Variants in TMEM41B observed in about 807,000 individuals in gnomAD.
TMEM41B encodes the protein transmembrane protein 41B, also known as protein stasimon.
Under a neutral mutation model 31.9 loss-of-function variants are expected in TMEM41B, and 18 were observed. The observed-to-expected ratio is 0.56, with a 90% confidence interval of 0.39 to 0.84. The LOEUF (loss-of-function observed/expected upper bound fraction) is 0.84, where lower values mean the gene tolerates loss of function less well. TMEM41B is among the 40% of genes least tolerant of loss of function. The pLI is 0.00. For synonymous variants in TMEM41B, 144 were observed against 124.3 expected (o/e 1.16, Z -1.05); for missense variants, 322 against 348.0 (o/e 0.93, Z 0.59).
chr11:9,308,296 T>A (rs1853450807), intron 1 of TMEM41B, among the ~76,000 whole-genome samples: 1 of 152,140 alleles, frequency 6.6e-6, no homozygotes, highest in African/African-American at 2.4e-5. Flanking sequence ...TGAGCTGAGA[T>A]CACGCCACTG....
chr11:9,291,055 G>T (rs1301574891), intron 3 of TMEM41B, among the ~76,000 whole-genome samples: 2 of 152,150 alleles, frequency 1.3e-5, no homozygotes, highest in African/African-American at 4.8e-5. Context: ...GGCAGACGTT[G>T]TAGTGAGCCG....
chr11:9,293,341 A>G (rs1160268943), intron 3 of TMEM41B, among the ~76,000 whole-genome samples: 1 of 151,872 alleles, frequency 6.6e-6, no homozygotes, highest in Non-Finnish European at 1.5e-5. Context: ...GGCCTCACGC[A>G]ATCCTCCTGC....
intron 1 of TMEM41B, chr11:9,311,546 C>A: frequency 8.2e-7 from 1 of 1,222,976 alleles, no homozygotes; most frequent in Non-Finnish European, 1.2e-6. Context: ...AATTGCCTTG[C>A]GGAGCTCCTG....
chr11:9,297,837 T>G (rs967396313), intron 2 of TMEM41B, among the ~76,000 whole-genome samples: 14 of 151,960 alleles, frequency 9.2e-5, no homozygotes, highest in African/African-American at 3.4e-4. Context: ...CAAAAAAAAT[T>G]TAACTGACCT....
chr11:9,307,847 G>T (rs980227406), intron 1 of TMEM41B, among the ~76,000 whole-genome samples: 2 of 152,014 alleles, frequency 1.3e-5, no homozygotes, highest in East Asian at 3.9e-4. Context: ...CCAGGTTCAC[G>T]CCATTCTCCT....
intron 4 of TMEM41B, 80 bp from the exon 5 acceptor site, chr11:9,287,886 C>A (rs1001391891): frequency 3.0e-6 from 3 of 1,015,222 alleles, no homozygotes; most frequent in African/African-American, 3.3e-5. Flanking sequence ...GTAAAAAGCT[C>A]AATTAATTTA....
intron 1 of TMEM41B, among the ~76,000 whole-genome samples, chr11:9,309,172 G>A (rs955688377): frequency 6.6e-6 from 1 of 152,098 alleles, no homozygotes; most frequent in African/African-American, 2.4e-5. Flanking sequence ...CTTGAATCTG[G>A]GAGGTGGAGG....
intron 1 of TMEM41B, among the ~76,000 whole-genome samples, chr11:9,309,061 AAC>A: frequency 1.3e-5 from 2 of 152,272 alleles, no homozygotes; most frequent in African/African-American, 4.8e-5. Context: ...CAGCCTGGCC[AAC>A]ACAGAGATAA....
At chr11:9,311,551 C>A in intron 1 of TMEM41B, 1 of 1,216,494 alleles carries the variant, frequency 8.2e-7, no homozygotes, top group Non-Finnish European at 1.2e-6. Context: ...CCTTGCGGAG[C>A]TCCTGGGGGA....
chr11:9,312,488 G>A (rs1016746101), intron 1 of TMEM41B, among the ~76,000 whole-genome samples: 6 of 152,310 alleles, frequency 3.9e-5, no homozygotes, highest in South Asian at 2.1e-4. Flanking sequence ...GTGACACAGC[G>A]AGGCCTTGTC....
chr11:9,302,822 AAAG>A lies in TMEM41B; in HGVS notation c.122-3124_122-3122del, dbSNP rs1308480899. On this transcript the variant is annotated intron_variant, in intron 1 of 6. Coordinates refer to ENST00000528080, the MANE Select transcript of TMEM41B (RefSeq NM_015012.4). ...GCCCACTTTTACAAGTAAGAGGCCCAAAGAAGAAGGGTATACTATTTTTTAAAA... is the reference window on the plus strand; with the variant it reads ...GCCCACTTTTACAAGTAAGAGGCCCAAAGAAGGGTATACTATTTTTTAAAA... Among the ~76,000 whole-genome samples the A allele has an allele frequency of 3.0e-5, 3 of 99,252 alleles. 1 individual carries two copies. The highest frequency in any genetic ancestry group is 1.2e-4 in the African/African-American group (3 of 25,542). The allele number at this position is 99,252 out of a possible 152,430, so 65.1% of individuals were successfully genotyped here. A position where few individuals can be genotyped will look rare whatever the true frequency, so the allele number is the denominator to read the frequency against.
rs373589739 is a variant in TMEM41B, at chr11:9,304,414, T to A, written c.122-4713A>T. ...AAAAAGCAAAAACATCAGGGTGTAC[T>A]AAATCCAATTGAATAAAAAACGTTG... On this transcript the variant is annotated intron_variant, in intron 1 of 6. Transcript: ENST00000528080. Among the ~76,000 whole-genome samples the A allele has an allele frequency of 5.3e-5, 8 of 152,324 alleles. No homozygotes were observed. The East Asian group carries it at 9.6e-4, about 18-fold the overall frequency.
At chr11:9,290,574 G>T (rs951625635) in intron 3 of TMEM41B, among the ~76,000 whole-genome samples, 2 of 151,460 alleles carry the variant, frequency 1.3e-5, no homozygotes, top group East Asian at 1.9e-4. Context: ...AGAAAGAAAA[G>T]AAAGCAAGAC....
intron 6 of TMEM41B, among the ~76,000 whole-genome samples, chr11:9,284,680 T>C (rs1852795770): frequency 6.6e-6 from 1 of 151,758 alleles, no homozygotes; most frequent in South Asian, 2.1e-4. Context: ...AAAGAATCAC[T>C]TGAACCCAGG....
At chr11:9,302,013 T>G (rs1853273901) in intron 1 of TMEM41B, among the ~76,000 whole-genome samples, 1 of 150,714 alleles carries the variant, frequency 6.6e-6, no homozygotes, top group African/African-American at 2.4e-5. Flanking sequence ...CTCGGTTTTT[T>G]TTTTTTTTTT....
intron 1 of TMEM41B, among the ~76,000 whole-genome samples, chr11:9,312,701 C>T (rs1288117634): frequency 2.6e-5 from 4 of 151,890 alleles, no homozygotes; most frequent in African/African-American, 9.7e-5. Flanking sequence ...GTCAGGAGAT[C>T]GAGACCATCC....
chr11:9,298,476 A>C (rs7105986), intron 2 of TMEM41B, among the ~76,000 whole-genome samples: 125,408 of 143,836 alleles, frequency 0.87, 55,144 homozygotes, highest in East Asian at 0.99. Flanking sequence ...AAAAAAAAAA[A>C]ATTGTGGGCT....
intron 2 of TMEM41B, among the ~76,000 whole-genome samples, chr11:9,297,328 G>A (rs917736184): frequency 2.0e-5 from 3 of 152,102 alleles, no homozygotes; most frequent in Non-Finnish European, 4.4e-5. Context: ...CACGTGATCC[G>A]CCCACCTTGG....
chr11:9,294,169 A>G (rs1335708125), intron 3 of TMEM41B, among the ~76,000 whole-genome samples: 2 of 102,542 alleles, frequency 2.0e-5, no homozygotes, highest in Non-Finnish European at 3.7e-5. Context: ...TGACAGGGGG[A>G]GAACCTGTCT....
Sources: allele counts gnomAD v4.1 joint callset (sites outside exome capture counted in the v4.1 genomes callset), GRCh38; gene constraint gnomAD v4.1.1; transcripts MANE v1.5; gene names NCBI Gene and HGNC (gene_info 2026-07-23, HGNC 2026-07-21).